The following ELAC2 variants were observed in gnomAD, a reference collection of about 807,000 sequenced individuals.
ELAC2 encodes the protein elaC ribonuclease Z 2.
A neutral mutation model predicts 105.2 loss-of-function variants in ELAC2; 92 were observed. The observed-to-expected ratio is 0.87, with a 90% confidence interval of 0.74 to 1.04. The LOEUF (loss-of-function observed/expected upper bound fraction) is 1.04, where lower values mean the gene tolerates loss of function less well. ELAC2 is among the 50% of genes least tolerant of loss of function. The probability of loss-of-function intolerance (pLI) is 0.00; values close to 1 mark genes in which losing one functional copy is unlikely to be tolerated. For missense variants in ELAC2, 1,099 were observed against 1,071.7 expected (o/e 1.03, Z -0.36); for synonymous variants, 468 against 409.1 (o/e 1.14, Z -1.74).
Position 12,994,543 on chromosome 17 carries a change from G to A in ELAC2, c.2030-40C>T, listed in dbSNP as rs757071308. ...CAAGGATCAGGGCAGAGTTCTCTGC[G>A]AGAGCGGCACACAGGCCTCAGTCAC... On this transcript the variant is annotated intron_variant, in intron 21 of 23. Transcript: ENST00000338034. 7.2e-5 allele frequency: 116 copies of A among 1,610,844 alleles called. No individual in the cohort carries two copies. In the East Asian group the frequency reaches 2.3e-3, roughly 31 times the overall value.
rs753762247 is a variant in ELAC2, at chr17:13,017,810, G to C, written c.138C>G (p.Arg46=). ...GGCCGCCGGAGCACCCCGACGGTCC[G>C]CGCTTCTCTCGCGTGCGCAGGTGCC... ...PLRHLRTREK[R]GPSGCSGGPN... is the part of the protein sequence containing the mutation. Residue 46 remains arginine (R), a synonymous_variant, in exon 1 of 24, where the codon CGC becomes CGG. Coordinates refer to ENST00000338034, the MANE Select transcript of ELAC2 (RefSeq NM_018127.7). The C allele has an allele frequency of 1.2e-6, 2 of 1,602,662 alleles. No homozygotes were observed. The highest frequency in any genetic ancestry group is 1.3e-5 in the African/African-American group (1 of 74,910).
Position 12,996,697 on chromosome 17 carries a change from A to T in ELAC2, c.1521-12T>A. The T allele has an allele frequency of 6.2e-7, 1 of 1,612,166 alleles. No individual in the cohort carries two copies. Among genetic ancestry groups the T allele is most frequent in the South Asian group, 1.1e-5 (1 of 90,850 alleles). Reference sequence around the variant, plus strand: ...GAGACGTGTCGGGGCTGCAGAAGAGAAGAGGAAGAGAGTCACTGCCACTAG... The same window carrying T: ...GAGACGTGTCGGGGCTGCAGAAGAGTAGAGGAAGAGAGTCACTGCCACTAG... On this transcript the variant is annotated splice_polypyrimidine_tract_variant and intron_variant, in intron 16 of 23. Coordinates refer to ENST00000338034, the MANE Select transcript of ELAC2 (RefSeq NM_018127.7).
At position 13,011,862 on chromosome 17, in the gene ELAC2, A is replaced by G. The variant is rs2041434533; in HGVS notation, c.560-80T>C. On this transcript the variant is annotated intron_variant, in intron 6 of 23. Coordinates refer to ENST00000338034, the MANE Select transcript of ELAC2 (RefSeq NM_018127.7). ...AAGGCCCAGACGTTCATACATGGGA[A>G]TGCCAGAACGCCAATTAAATCAGCA... 5 of 1,607,478 alleles carry G rather than the reference A, an allele frequency of 3.1e-6. No individual in the cohort carries two copies. The South Asian group carries it at 4.4e-5, about 14-fold the overall frequency.
In ELAC2 at chr17:13,013,252, C is replaced by G. The variant is rs1472608532; in HGVS notation, c.514G>C (p.Glu172Gln). The change falls in exon 6 of 24, where the codon GAA (glutamate) becomes CAA (glutamine). Residue 172 changes from glutamate to glutamine, a missense_variant. Physicochemically the swap from Glu to Gln is conservative, Grantham distance 29. Coordinates refer to ENST00000338034, the MANE Select transcript of ELAC2 (RefSeq NM_018127.7). ...ACTGTCATGGTTTCATCCTCGTATT[C>G]TGGGGCAGAGTGGGGCCGCACAGCT... Reference protein sequence around the residue: ...ELAVRPHSAPEYEDETMTVYQ... With the variant: ...ELAVRPHSAPQYEDETMTVYQ... 3.1e-6 allele frequency: 5 copies of G among 1,614,152 alleles called. No individual in the cohort carries two copies. The highest frequency in any genetic ancestry group is 4.2e-6 in the Non-Finnish European group (5 of 1,180,022).
chr17:13,002,391 AAGAG>A, intron 13 of ELAC2, 32 bp from the exon 14 acceptor site: 1 of 1,614,134 alleles, frequency 6.2e-7, no homozygotes, highest in South Asian at 1.1e-5. Flanking sequence ...CATGGAGAGA[AAGAG>A]AGGGGACGAG....
rs775328876 is a variant in ELAC2, at chr17:13,010,610, T to C, written c.738+3A>G. On this transcript the variant is annotated splice_donor_region_variant and intron_variant, in intron 8 of 23. Transcript: ENST00000338034. ...GTACAGCCCTCCGGAAAGTCTTCCT[T>C]ACCTTACAGATGAAAGCTACGACCA... The C allele has an allele frequency of 6.2e-7, 1 of 1,614,066 alleles. No homozygotes were observed. The highest frequency in any genetic ancestry group is 1.1e-5 in the South Asian group (1 of 91,086).
At chr17:13,006,551 A>G (rs1008326576) in intron 8 of ELAC2, 3 of 160,312 alleles carry the variant, frequency 1.9e-5, no homozygotes, top group Admixed American at 5.8e-5. Flanking sequence ...TATAAATTTA[A>G]TAAAATGTAA....
intron 19 of ELAC2, 149 bp from the exon 20 acceptor site, chr17:12,995,211 C>A: frequency 3.3e-6 from 3 of 901,904 alleles, no homozygotes; most frequent in Non-Finnish European, 5.3e-6. Flanking sequence ...AAACAGCAGT[C>A]AAATATAAAG....
intron 8 of ELAC2, 24 bp downstream of exon 8, chr17:13,010,589 A>G (rs1294447237): frequency 6.2e-7 from 1 of 1,612,632 alleles, no homozygotes; most frequent in African/African-American, 1.3e-5. Flanking sequence ...AGTCATGTAC[A>G]GCCCTCCGGA....
chr17:12,993,388 C>A (rs561217047), intron 23 of ELAC2, among the ~76,000 whole-genome samples: 2 of 152,334 alleles, frequency 1.3e-5, no homozygotes, highest in South Asian at 4.1e-4. Context: ...CAAGAGGCAA[C>A]CACCTGTCTC....
chr17:12,994,002 G>A (rs2040338090), intron 22 of ELAC2, among the ~76,000 whole-genome samples, 171 bp from the exon 23 acceptor site: 1 of 152,086 alleles, frequency 6.6e-6, no homozygotes, highest in African/African-American at 2.4e-5. Context: ...CAGAGCCTTC[G>A]CACACACCCC....
rs771710773 is a variant in ELAC2, at chr17:13,017,874, GCCTGCGATATGGTGCGTC to G, written c.56_73del (p.Gly19_Gln24del). 2.1e-5 allele frequency: 32 copies of G among 1,550,158 alleles called. No individual in the cohort carries two copies. Among genetic ancestry groups the G allele is most frequent in the Middle Eastern group, 2.0e-4 (1 of 5,034 alleles). On this transcript the variant is annotated inframe_deletion, in exon 1 of 24. Transcript: ENST00000338034. The stretch of plus-strand genomic sequence containing the variant: ...GCGCGGCCGCTCGCGGCGGGCGGGT[GCCTGCGATATGGTGCGTC>G]CCTGCGACATGGTGCGTCCGGCCGC...
At chr17:13,002,166 G>C in intron 14 of ELAC2, 108 bp downstream of exon 14, 2 of 1,169,176 alleles carry the variant, frequency 1.7e-6, no homozygotes, top group Non-Finnish European at 2.5e-6. Flanking sequence ...AGTTACAACA[G>C]AGACCATATG....
intron 7 of ELAC2, 37 bp from the exon 8 acceptor site, chr17:13,010,708 G>A: frequency 6.3e-7 from 1 of 1,587,324 alleles, no homozygotes; most frequent in South Asian, 1.1e-5. Flanking sequence ...CAAGGTAAAT[G>A]TGAAAGCTGT....
chr17:13,003,346 G>T, intron 12 of ELAC2, 133 bp downstream of exon 12: 1 of 854,142 alleles, frequency 1.2e-6, no homozygotes. Flanking sequence ...ATTCTGGGAA[G>T]GCAGGAATCC....
At chr17:12,999,731 T>C (rs1211394098) in intron 15 of ELAC2, among the ~76,000 whole-genome samples, 1 of 151,892 alleles carries the variant, frequency 6.6e-6, no homozygotes, top group Non-Finnish European at 1.5e-5. Context: ...CGACCTTGGC[T>C]CACTGCAAGC....
rs2041840491 is a variant in ELAC2 at position 13,017,882 on chromosome 17, T to C, written c.66A>G (p.Ile22Met). 1.3e-6 allele frequency: 2 copies of C among 1,547,652 alleles called. No homozygotes were observed. The highest frequency in any genetic ancestry group is 1.7e-6 in the Non-Finnish European group (2 of 1,148,544). Residue 22 changes from isoleucine (I) to methionine (M), a missense_variant, in exon 1 of 24, where the codon ATA (isoleucine) becomes ATG (methionine). By Grantham distance (10) the Ile-to-Met change is conservative. Transcript: ENST00000338034. ...GCTCGCGGCGGGCGGGTGCCTGCGA[T>C]ATGGTGCGTCCCTGCGACATGGTGC... ...AGRTMSQGRT[I>M]SQAPARRERP... is the part of the protein sequence containing the mutation.
Position 12,995,812 on chromosome 17 carries a change from C to G in ELAC2, c.1699G>C (p.Ala567Pro). The G allele has an allele frequency of 6.2e-7, 1 of 1,608,856 alleles. No homozygotes were observed. The highest frequency in any genetic ancestry group is 8.5e-7 in the Non-Finnish European group (1 of 1,177,618). ...SILLQRERAL[A>P]SLGKPLHPLL... ...GGGTGAAGCGGCTTTCCCAAAGATG[C>G]CTGGAACAAAAAATGCAAGTGCCGA... The change falls in exon 19 of 24, where the codon GCA becomes CCA. Residue 567 changes from alanine (A) to proline (P), a missense_variant and splice_region_variant. Physicochemically the swap from Ala to Pro is conservative, Grantham distance 27. Transcript: ENST00000338034.
Position 12,993,827 on chromosome 17 carries a change from T to C in ELAC2, c.2113A>G (p.Thr705Ala). Residue 705 changes from threonine to alanine, a missense_variant, in exon 23 of 24, where the codon ACG becomes GCG. Transcript: ENST00000338034. Reference sequence around the variant, plus strand: ...ATCCCCACGCTGATGGCTTGGGACGTTGTGCTGCAGGTGAAGGACAGAGCA... The same window carrying C: ...ATCCCCACGCTGATGGCTTGGGACGCTGTGCTGCAGGTGAAGGACAGAGCA... ...EEAVEKTHST[T>A]SQAISVGMRM... The C allele has an allele frequency of 6.2e-7, 1 of 1,614,166 alleles. No individual in the cohort carries two copies. The highest frequency in any genetic ancestry group is 8.5e-7 in the Non-Finnish European group (1 of 1,180,028).
Sources: gnomAD v4.1 joint callset for allele counts (sites outside exome capture counted in the v4.1 genomes callset) on GRCh38, gnomAD v4.1.1 for gene constraint, MANE v1.5 for transcripts, NCBI Gene and HGNC (gene_info 2026-07-23, HGNC 2026-07-21) for gene names.